Variants in FAM217B observed in about 807,000 individuals in gnomAD.
FAM217B encodes protein FAM217B.
For missense variants in FAM217B, 463 were observed against 456.9 expected, an observed-to-expected ratio of 1.01 and a Z score of -0.12; for synonymous variants, 163 against 173.0, an observed-to-expected ratio of 0.94 and a Z score of 0.45.
upstream of FAM217B, among the ~76,000 whole-genome samples, chr20:59,936,511 T>A (rs1259511459): frequency 6.6e-6 from 1 of 152,262 alleles, no homozygotes; most frequent in Admixed American, 6.5e-5. Context: ...CATTACTGCC[T>A]GCACAGTGTC....
chr20:59,939,257 CCCGCGCCA>C (rs748334915), upstream of FAM217B: 191 of 1,611,942 alleles, frequency 1.2e-4, no homozygotes, highest in Middle Eastern at 3.3e-4. Context: ...GGCCTGCGGG[CCCGCGCCA>C]CCGCGCCACC....
chr20:59,939,031 C>T, upstream of FAM217B: 1 of 1,520,444 alleles, frequency 6.6e-7, no homozygotes, highest in Non-Finnish European at 8.8e-7. Context: ...CCCCGCGCGG[C>T]TCAGATGAAG....
At chr20:59,940,305 T>A, upstream of FAM217B, 1 of 172,240 alleles carries the variant, frequency 5.8e-6, no homozygotes, top group Non-Finnish European at 1.4e-5. Flanking sequence ...CTTACAAGGC[T>A]GCAACTTGAC....
chr20:59,944,764 T>C lies in FAM217B; in HGVS notation c.821T>C (p.Leu274Pro). Residue 274 changes from leucine (L) to proline (P), a missense_variant, in exon 4 of 4, where the codon CTT becomes CCT. By Grantham distance (98) the Leu-to-Pro change is moderately conservative. Transcript: ENST00000360816. ...ACTTCCCCTAGACCCATTGATGTGC[T>C]TGGTGGTACCAGGTTTTGTTCTCAG... ...FETSPRPIDV[L>P]GGTRFCSQRQ... 2 of 1,614,202 alleles carry C rather than the reference T, an allele frequency of 1.2e-6. No individual in the cohort carries two copies. The highest frequency in any genetic ancestry group is 1.7e-6 in the Non-Finnish European group (2 of 1,180,036).
Position 59,944,995 on chromosome 20 carries a change from G to C in FAM217B, c.1052G>C (p.Arg351Thr). 2 of 1,613,898 alleles carry C rather than the reference G, an allele frequency of 1.2e-6. No individual in the cohort carries two copies. Among genetic ancestry groups the C allele is most frequent in the Admixed American group, 3.3e-5 (2 of 59,966 alleles). The change falls in exon 4 of 4, where the codon AGG becomes ACG. Residue 351 changes from arginine (R) to threonine (T), a missense_variant. Coordinates refer to ENST00000360816, the MANE Select transcript of FAM217B (RefSeq NM_022106.3). ...AAAACACAAGCACATGCACATCCTA[G>C]GAAAAAGGGAAAGGCAGAGAGCTGT... is the stretch of plus-strand genomic sequence containing the variant. ...ASKTQAHAHPRKKGKAESCGH... is the reference protein window; with the variant it reads ...ASKTQAHAHPTKKGKAESCGH...
chr20:59,942,694 C>T (rs1381731166), intron 3 of FAM217B, among the ~76,000 whole-genome samples, 182 bp downstream of exon 3: 7 of 151,970 alleles, frequency 4.6e-5, no homozygotes, highest in East Asian at 3.9e-4. Context: ...AGGATTCCAA[C>T]GGTCATAATT....
rs2060936471 is a variant in FAM217B at position 59,946,252 on chromosome 20, C to G, written c.*1157C>G. On this transcript the variant is annotated 3_prime_UTR_variant, in exon 4 of 4. Transcript: ENST00000360816. ...GCAGTTAAATAACATCTTCTTGTTC[C>G]TATAGTTGTGCTGTGAGTTTTCTGT... 1.2e-5 allele frequency: 2 copies of G among 166,950 alleles called. No individual in the cohort carries two copies. Among genetic ancestry groups the G allele is most frequent in the Non-Finnish European group, 2.9e-5 (2 of 68,118 alleles). The allele number at this position is 166,950 out of a possible 1,614,324, so 10.3% of individuals were successfully genotyped here.
chr20:59,940,973 C>G (rs748102370), intron 1 of FAM217B, among the ~76,000 whole-genome samples: 2 of 152,206 alleles, frequency 1.3e-5, no homozygotes, highest in Non-Finnish European at 2.9e-5. Context: ...TGCCCTTAAT[C>G]AGCCTCTGGC....
rs887708732 is a variant in FAM217B, at chr20:59,944,617, A to C, written c.674A>C (p.Lys225Thr). The C allele has an allele frequency of 4.3e-6, 7 of 1,614,050 alleles. No individual in the cohort carries two copies. The highest frequency in any genetic ancestry group is 5.9e-6 in the Non-Finnish European group (7 of 1,180,012). Residue 225 changes from lysine to threonine, a missense_variant, in exon 4 of 4, where the codon AAG becomes ACG. By Grantham distance (78) the Lys-to-Thr change is moderately conservative. Coordinates refer to ENST00000360816, the MANE Select transcript of FAM217B (RefSeq NM_022106.3). ...SGALKSPGRS[K>T]LIASALSKPL... The stretch of plus-strand genomic sequence containing the variant: ...GCACTGAAAAGCCCTGGGAGAAGTA[A>C]GCTAATTGCTAGTGCTCTGTCCAAG...
upstream of FAM217B, chr20:59,937,423 A>G (rs2060868711): frequency 6.6e-6 from 1 of 152,610 alleles, no homozygotes; most frequent in Non-Finnish European, 1.5e-5. Flanking sequence ...CAGTGTTCTT[A>G]TATTAAAAGA....
intron 1 of FAM217B, among the ~76,000 whole-genome samples, chr20:59,940,932 A>C (rs941792598): frequency 6.6e-6 from 1 of 152,182 alleles, no homozygotes; most frequent in African/African-American, 2.4e-5. Flanking sequence ...CAGGGGAACA[A>C]GAGTTATTAC....
At chr20:59,939,259 C>A (rs750284106), upstream of FAM217B, 1 of 1,611,506 alleles carries the variant, frequency 6.2e-7, no homozygotes, top group Admixed American at 1.7e-5. Flanking sequence ...CCTGCGGGCC[C>A]GCGCCACCGC....
upstream of FAM217B, chr20:59,939,656 C>A (rs1730855190): frequency 2.0e-6 from 3 of 1,508,580 alleles, no homozygotes; most frequent in African/African-American, 4.3e-5. Context: ...CCGGCCGACA[C>A]GCAGCGCCCG....
upstream of FAM217B, among the ~76,000 whole-genome samples, chr20:59,935,727 T>C (rs2060858784): frequency 6.6e-6 from 1 of 152,218 alleles, no homozygotes; most frequent in Non-Finnish European, 1.5e-5. Context: ...GAGCTATGAT[T>C]GCACCACTGC....
At chr20:59,938,973 G>A (rs2060878483), upstream of FAM217B, 79 of 1,428,882 alleles carry the variant, frequency 5.5e-5, no homozygotes, top group Non-Finnish European at 7.2e-5. Flanking sequence ...GCCCAGCAGG[G>A]AAATGACAGG....
chr20:59,941,250 G>T (rs1056629883), intron 1 of FAM217B, among the ~76,000 whole-genome samples: 5 of 152,198 alleles, frequency 3.3e-5, no homozygotes, highest in Non-Finnish European at 7.3e-5. Flanking sequence ...CCTTTTTATT[G>T]TCCAGAGGGA....
upstream of FAM217B, chr20:59,939,620 G>T (rs759868053): frequency 6.3e-7 from 1 of 1,589,188 alleles, no homozygotes; most frequent in South Asian, 1.1e-5. Flanking sequence ...CGTCGGCGAA[G>T]CGCACGCGGA....
Position 59,947,748 on chromosome 20 carries a change from G to A in FAM217B, c.*2653G>A, listed in dbSNP as rs1257631158. 1 of 166,948 alleles carries A rather than the reference G, an allele frequency of 6.0e-6. No homozygotes were observed. Among genetic ancestry groups the A allele is most frequent in the Non-Finnish European group, 1.5e-5 (1 of 68,094 alleles). 10.3% of individuals were successfully genotyped at this position (166,948 alleles called of 1,614,324 possible). A position where few individuals can be genotyped will look rare whatever the true frequency, so the allele number is the denominator to read the frequency against. On this transcript the variant is annotated 3_prime_UTR_variant, in exon 4 of 4. Coordinates refer to ENST00000360816, the MANE Select transcript of FAM217B (RefSeq NM_022106.3). Reference sequence around the variant, plus strand: ...ATAACATGAGGTGTTTTAAAGTTAGGTCTATTACAGAATTAACATAAGCAC... The same window carrying A: ...ATAACATGAGGTGTTTTAAAGTTAGATCTATTACAGAATTAACATAAGCAC...
At chr20:59,939,625 C>G (rs2060886496), upstream of FAM217B, 1 of 1,584,820 alleles carries the variant, frequency 6.3e-7, no homozygotes, top group Admixed American at 1.7e-5. Context: ...GCGAAGCGCA[C>G]GCGGAGCTTC....
Sources: allele counts gnomAD v4.1 joint callset (sites outside exome capture counted in the v4.1 genomes callset), GRCh38; gene constraint gnomAD v4.1.1; transcripts MANE v1.5; gene names NCBI Gene and HGNC (gene_info 2026-07-23, HGNC 2026-07-21).